MYO1D: variants seen among roughly 807,000 people sequenced by gnomAD.
MYO1D encodes the protein myosin ID.
In MYO1D, 83 loss-of-function variants were observed where a neutral mutation model predicts 122.0. The observed-to-expected ratio is 0.68, with a 90% CI of 0.57 to 0.82. The LOEUF (loss-of-function observed/expected upper bound fraction) is 0.82, where lower values mean the gene tolerates loss of function less well. Ranked by LOEUF, MYO1D falls within the 40% of genes least tolerant of loss-of-function variation. The probability of loss-of-function intolerance (pLI) is 0.00; values close to 1 mark genes in which losing one functional copy is unlikely to be tolerated. For synonymous variants in MYO1D, 464 were observed against 446.9 expected (o/e 1.04, Z -0.48); for missense variants, 1,157 against 1,269.5 (o/e 0.91, Z 1.35).
At chr17:32,676,102 A>G (rs1223534192) in intron 16 of MYO1D, among the ~76,000 whole-genome samples, 1 of 152,170 alleles carries the variant, frequency 6.6e-6, no homozygotes, top group Non-Finnish European at 1.5e-5. Context: ...GTATCCTTGT[A>G]CATAAATTCA....
At chr17:32,744,397 A>C (rs951597333) in intron 13 of MYO1D, among the ~76,000 whole-genome samples, 1 of 152,172 alleles carries the variant, frequency 6.6e-6, no homozygotes, top group Non-Finnish European at 1.5e-5. Context: ...TTTTCTGCAC[A>C]GCACTTGTCA....
chr17:32,876,733 GA>G (rs1352867521), intron 1 of MYO1D, 44 bp downstream of exon 1: 2 of 1,452,194 alleles, frequency 1.4e-6, no homozygotes, highest in African/African-American at 1.5e-5. Flanking sequence ...CCCCTCTCGG[GA>G]AAGCGCAGCC....
intron 21 of MYO1D, among the ~76,000 whole-genome samples, chr17:32,526,072 C>T (rs144932180): frequency 2.4e-4 from 37 of 152,330 alleles, no homozygotes; most frequent in Non-Finnish European, 4.0e-4. Context: ...CTTTTAGGAG[C>T]CTTTCCGATC....
At chr17:32,785,333 C>T (rs932746821) in intron 1 of MYO1D, among the ~76,000 whole-genome samples, 1 of 152,152 alleles carries the variant, frequency 6.6e-6, no homozygotes, top group African/African-American at 2.4e-5. Flanking sequence ...GAATGGTCTA[C>T]TAGGTATGGT....
chr17:32,745,396 C>A, intron 12 of MYO1D, 111 bp from the exon 13 acceptor site: 1 of 655,580 alleles, frequency 1.5e-6, no homozygotes, highest in Non-Finnish European at 2.7e-6. Context: ...AATCAATAAT[C>A]TAAAAGCTGA....
intron 20 of MYO1D, among the ~76,000 whole-genome samples, chr17:32,623,839 G>T (rs1196544945): frequency 6.6e-6 from 1 of 152,176 alleles, no homozygotes; most frequent in African/African-American, 2.4e-5. Context: ...GTCCTCACAT[G>T]GCAAAAGGGC....
intron 20 of MYO1D, among the ~76,000 whole-genome samples, chr17:32,618,528 C>G (rs1413981400): frequency 6.6e-6 from 1 of 152,142 alleles, no homozygotes; most frequent in Non-Finnish European, 1.5e-5. Flanking sequence ...ACATAATGTT[C>G]TCATCACAGT....
chr17:32,720,592 T>C (rs1044981387), intron 15 of MYO1D, among the ~76,000 whole-genome samples: 2 of 152,182 alleles, frequency 1.3e-5, no homozygotes, highest in Admixed American at 6.6e-5. Context: ...TAAATAGCTA[T>C]GATGTACCAG....
intron 20 of MYO1D, among the ~76,000 whole-genome samples, chr17:32,626,621 G>T (rs766789823): frequency 1.3e-5 from 2 of 152,140 alleles, no homozygotes; most frequent in African/African-American, 4.8e-5. Context: ...TTATTGGTCA[G>T]ATTTTTGCAC....
intron 10 of MYO1D, 68 bp downstream of exon 10, chr17:32,760,222 A>G (rs1432096140): frequency 4.6e-6 from 6 of 1,303,306 alleles, no homozygotes; most frequent in Middle Eastern, 1.8e-4. Context: ...GAAATACCTA[A>G]AATAAAATTT....
At chr17:32,693,500 C>A (rs2089132123) in intron 16 of MYO1D, among the ~76,000 whole-genome samples, 2 of 152,118 alleles carry the variant, frequency 1.3e-5, no homozygotes. Flanking sequence ...TGGTATTTCC[C>A]CTCTTTTTTC....
chr17:32,514,943 T>G (rs1237266322), intron 21 of MYO1D, among the ~76,000 whole-genome samples: 1 of 152,236 alleles, frequency 6.6e-6, no homozygotes, highest in Non-Finnish European at 1.5e-5. Context: ...GCTGTCTGGC[T>G]CTGGGCAGTT....
chr17:32,506,385 G>C (rs551973191), intron 21 of MYO1D, among the ~76,000 whole-genome samples: 181 of 152,298 alleles, frequency 1.2e-3, no homozygotes, highest in Non-Finnish European at 2.1e-3. Flanking sequence ...GTCTCATTTG[G>C]GAGGAGGGTA....
At chr17:32,515,567 C>A (rs1206252683) in intron 21 of MYO1D, among the ~76,000 whole-genome samples, 1 of 152,158 alleles carries the variant, frequency 6.6e-6, no homozygotes, top group Non-Finnish European at 1.5e-5. Flanking sequence ...GTTGGTATTA[C>A]AGGTGTGAGC....
At chr17:32,856,292 C>G (rs766791587) in intron 1 of MYO1D, among the ~76,000 whole-genome samples, 6 of 152,164 alleles carry the variant, frequency 3.9e-5, no homozygotes, top group Non-Finnish European at 7.3e-5. Context: ...ACATCTCATC[C>G]TTTGCAGAAG....
At chr17:32,546,179 G>A (rs781436708) in intron 21 of MYO1D, among the ~76,000 whole-genome samples, 1 of 152,104 alleles carries the variant, frequency 6.6e-6, no homozygotes, top group African/African-American at 2.4e-5. Flanking sequence ...TGCTGCACCC[G>A]GTAGAAATGG....
chr17:32,505,330 C>A (rs1192698646), intron 21 of MYO1D: 1 of 152,250 alleles, frequency 6.6e-6, no homozygotes, highest in African/African-American at 2.4e-5. Flanking sequence ...CTGGCCCTTG[C>A]AAGCATCTTC....
chr17:32,835,622 T>C (rs2090814752), intron 1 of MYO1D, among the ~76,000 whole-genome samples: 1 of 152,190 alleles, frequency 6.6e-6, no homozygotes, highest in Non-Finnish European at 1.5e-5. Flanking sequence ...TAACCTACTC[T>C]TGTTCACATG....
At chr17:32,642,397 T>C (rs1369272046) in intron 19 of MYO1D, among the ~76,000 whole-genome samples, 1 of 152,212 alleles carries the variant, frequency 6.6e-6, no homozygotes, top group Non-Finnish European at 1.5e-5. Context: ...TGGCTTAGGA[T>C]TGACTTGGCA....
Sources: allele counts gnomAD v4.1 joint callset (sites outside exome capture counted in the v4.1 genomes callset), GRCh38; gene constraint gnomAD v4.1.1; transcripts MANE v1.5; gene names NCBI Gene and HGNC (gene_info 2026-07-23, HGNC 2026-07-21).